Variants in TAFA5 observed in about 807,000 individuals in gnomAD.
TAFA5 encodes the protein chemokine-like protein TAFA-5.
A neutral mutation model predicts 15.3 loss-of-function variants in TAFA5; 6 were observed. The ratio of observed to expected loss-of-function variants is 0.39; its 90% CI spans 0.21 to 0.77. The LOEUF is 0.77. Among genes scored for constraint, TAFA5 ranks in the 30% least tolerant of loss-of-function variants. The pLI is 0.41. For synonymous variants in TAFA5, 103 were observed against 80.7 expected (o/e 1.28, Z -1.48); for missense variants, 161 against 193.1 (o/e 0.83, Z 0.98).
At chr22:48,508,878 G>A (rs1298783788) in intron 1 of TAFA5, among the ~76,000 whole-genome samples, 1 of 152,112 alleles carries the variant, frequency 6.6e-6, no homozygotes, top group African/African-American at 2.4e-5. Context: ...ACTCTTAGCT[G>A]TGGTCGCCCT....
chr22:48,556,146 A>G (rs16999414), intron 1 of TAFA5, among the ~76,000 whole-genome samples: 1,581 of 152,300 alleles, frequency 0.01, 33 homozygotes, highest in African/African-American at 0.035. Context: ...CCCGAGACCA[A>G]TGGCACAGAG....
chr22:48,670,214 G>A (rs531645626), intron 2 of TAFA5, among the ~76,000 whole-genome samples: 1 of 152,238 alleles, frequency 6.6e-6, no homozygotes, highest in Non-Finnish European at 1.5e-5. Context: ...GGCCCTGTGC[G>A]CCTTGGGAGT....
intron 2 of TAFA5, chr22:48,693,376 G>A: frequency 4.3e-6 from 7 of 1,612,660 alleles, no homozygotes; most frequent in Non-Finnish European, 5.9e-6. Context: ...CACCGGGAAT[G>A]GCCAGGTGAG....
chr22:48,616,810 C>T (rs75700274), intron 1 of TAFA5, among the ~76,000 whole-genome samples: 2,701 of 152,234 alleles, frequency 0.018, 54 homozygotes, highest in South Asian at 0.11. Context: ...GCTCTGGGCT[C>T]GGCAGACACC....
At chr22:48,514,759 G>A (rs1295184331) in intron 1 of TAFA5, among the ~76,000 whole-genome samples, 1 of 152,230 alleles carries the variant, frequency 6.6e-6, no homozygotes, top group Non-Finnish European at 1.5e-5. Context: ...GGCAAAAAGG[G>A]AAAATCCACT....
In TAFA5 at chr22:48,536,687, C is replaced by A. The variant is rs28374927; in HGVS notation, c.112+46983C>A. Among the ~76,000 whole-genome samples the A allele has an allele frequency of 0.016, 2,381 of 152,364 alleles. 104 individuals carry two copies. In the East Asian group the frequency reaches 0.16, roughly 10 times the overall value. ...CTTCATCTGCGGCCAAGGCTTCCGG[C>A]TCCCTGTGCCCTGTGCTGCGGGGAG... On this transcript the variant is annotated intron_variant, in intron 1 of 3. Transcript: ENST00000402357.
At chr22:48,559,715 C>T (rs1263855444) in intron 1 of TAFA5, among the ~76,000 whole-genome samples, 5 of 151,924 alleles carry the variant, frequency 3.3e-5, no homozygotes, top group South Asian at 2.1e-4. Flanking sequence ...CAGGAAGGGG[C>T]GTGTGGGATG....
At chr22:48,707,947 A>C in intron 3 of TAFA5, 103 bp downstream of exon 3, 1 of 1,454,316 alleles carries the variant, frequency 6.9e-7, no homozygotes, top group African/African-American at 1.4e-5. Flanking sequence ...GCAGCTGCTC[A>C]CTCCATCCTC....
At chr22:48,707,062 C>T (rs1929100540) in intron 2 of TAFA5, among the ~76,000 whole-genome samples, 1 of 152,178 alleles carries the variant, frequency 6.6e-6, no homozygotes, top group African/African-American at 2.4e-5. Flanking sequence ...TGCCCCCTGC[C>T]CTGTCCAAGG....
At chr22:48,635,159 T>C (rs1298480489) in intron 1 of TAFA5, among the ~76,000 whole-genome samples, 1 of 152,132 alleles carries the variant, frequency 6.6e-6, no homozygotes, top group Non-Finnish European at 1.5e-5. Context: ...CAAACAGAGC[T>C]CCGTCCACCT....
intron 2 of TAFA5, among the ~76,000 whole-genome samples, chr22:48,675,059 A>G (rs1163253968): frequency 6.6e-6 from 1 of 151,312 alleles, no homozygotes; most frequent in Non-Finnish European, 1.5e-5. Flanking sequence ...CTCCTGCCTT[A>G]GCCTCCCGAG....
chr22:48,702,511 G>A (rs1048288807), intron 2 of TAFA5, among the ~76,000 whole-genome samples: 5 of 152,256 alleles, frequency 3.3e-5, no homozygotes, highest in Middle Eastern at 6.8e-3. Flanking sequence ...CCGGGGACAG[G>A]CACTGCAGAC....
intron 3 of TAFA5, among the ~76,000 whole-genome samples, chr22:48,726,617 G>A (rs1444966921): frequency 7.5e-5 from 10 of 132,648 alleles, no homozygotes; most frequent in Non-Finnish European, 1.1e-4. Context: ...GTGGTAGTCT[G>A]GACGGGAGAA....
intron 1 of TAFA5, among the ~76,000 whole-genome samples, chr22:48,593,355 C>T (rs1014464044): frequency 2.6e-5 from 4 of 152,136 alleles, no homozygotes; most frequent in African/African-American, 9.7e-5. Flanking sequence ...GGGACTGGCC[C>T]AAGGCCATAT....
At chr22:48,664,609 G>C (rs1176432215) in intron 2 of TAFA5, among the ~76,000 whole-genome samples, 1 of 152,092 alleles carries the variant, frequency 6.6e-6, no homozygotes, top group African/African-American at 2.4e-5. Flanking sequence ...CTCCTGGCCC[G>C]ATCTCACCCC....
intron 2 of TAFA5, among the ~76,000 whole-genome samples, chr22:48,672,621 A>T (rs1927836771): frequency 1.3e-5 from 2 of 152,214 alleles, no homozygotes; most frequent in Admixed American, 6.5e-5. Context: ...CTCCCAGCCT[A>T]CATGATGGCT....
intron 2 of TAFA5, among the ~76,000 whole-genome samples, chr22:48,665,524 T>C (rs571598150): frequency 1.5e-4 from 21 of 142,682 alleles, no homozygotes; most frequent in African/African-American, 5.6e-4. Flanking sequence ...CATCACACAG[T>C]TGGGTCTACC....
intron 1 of TAFA5, among the ~76,000 whole-genome samples, chr22:48,582,236 A>G (rs531525386): frequency 1.3e-5 from 2 of 151,984 alleles, no homozygotes; most frequent in East Asian, 3.9e-4. Context: ...CACAAAAAAC[A>G]CAACGCATAC....
chr22:48,535,738 A>G (rs1438212421), intron 1 of TAFA5, among the ~76,000 whole-genome samples: 1 of 151,410 alleles, frequency 6.6e-6, no homozygotes, highest in East Asian at 1.9e-4. Context: ...ACACCGGCAC[A>G]TCACACGCAC....
Sources: gnomAD v4.1 joint callset for allele counts (sites outside exome capture counted in the v4.1 genomes callset) on GRCh38, gnomAD v4.1.1 for gene constraint, MANE v1.5 for transcripts, NCBI Gene and HGNC (gene_info 2026-07-23, HGNC 2026-07-21) for gene names.